The following CNOT3 variants were observed in gnomAD, a reference collection of about 807,000 sequenced individuals.
CNOT3 encodes the protein CCR4-NOT transcription complex subunit 3.
A neutral mutation model predicts 89.4 loss-of-function variants in CNOT3; 2 were observed. The observed-to-expected ratio is 0.02, with a 90% confidence interval of 0.01 to 0.07. CNOT3 has a LOEUF of 0.07. Ranked by LOEUF, CNOT3 falls within the 10% of genes least tolerant of loss-of-function variation. The probability of loss-of-function intolerance (pLI) is 1.00; values close to 1 mark genes in which losing one functional copy is unlikely to be tolerated. For missense variants in CNOT3, 664 were observed against 1,010.2 expected (o/e 0.66, Z 4.65); for synonymous variants, 486 against 402.0 (o/e 1.21, Z -2.50).
Position 54,144,373 on chromosome 19 carries a change from C to T in CNOT3, c.483+41C>T, listed in dbSNP as rs1271717099. 1 of 1,477,916 alleles carries T rather than the reference C, an allele frequency of 6.8e-7. No individual in the cohort carries two copies. Among genetic ancestry groups the T allele is most frequent in the Admixed American group, 1.7e-5 (1 of 59,258 alleles). The allele number at this position is 1,477,916 out of a possible 1,614,324, so 91.6% of individuals were successfully genotyped here. On this transcript the variant is annotated intron_variant, in intron 7 of 17. Transcript: ENST00000221232. This position sits in a 1 kb window ranked among gnomAD's most constrained non-coding sequence, Gnocchi z 4.8. Reference sequence around the variant, plus strand: ...CCGACACCTTTGGGATGGGGATGGGCATGGGAATGGGCTGGCCAGCAGGAG... The same window carrying T: ...CCGACACCTTTGGGATGGGGATGGGTATGGGAATGGGCTGGCCAGCAGGAG...
intron 13 of CNOT3, among the ~76,000 whole-genome samples, chr19:54,150,285 C>T (rs1181163063): frequency 3.9e-5 from 6 of 152,004 alleles, no homozygotes; most frequent in Admixed American, 2.0e-4. Flanking sequence ...GATGTTTAAG[C>T]TGAGACCTGG....
chr19:54,146,130 G>A, intron 9 of CNOT3, 87 bp downstream of exon 9: 1 of 1,479,300 alleles, frequency 6.8e-7, no homozygotes, highest in Middle Eastern at 1.9e-4. Flanking sequence ...AAGTGGCTAT[G>A]GGAGCGTAAT....
In CNOT3 at chr19:54,155,578, C is replaced by T. The variant is rs2438050; in HGVS notation, c.*171C>T. ...TTCCTCTCAGCCCCACCCTGGGGGC[C>T]CGGGGGCGAGGGCTGCCCCCTCCTC... On this transcript the variant is annotated 3_prime_UTR_variant, in exon 18 of 18. Coordinates refer to ENST00000221232, the MANE Select transcript of CNOT3 (RefSeq NM_014516.4). The T allele has an allele frequency of 9.9e-7, 1 of 1,009,836 alleles. No individual in the cohort carries two copies. Among genetic ancestry groups the T allele is most frequent in the Non-Finnish European group, 1.4e-6 (1 of 698,012 alleles). 62.6% of individuals were successfully genotyped at this position (1,009,836 alleles called of 1,614,324 possible). A position where few individuals can be genotyped will look rare whatever the true frequency, so the allele number is the denominator to read the frequency against.
chr19:54,150,599 G>A (rs587684633), intron 13 of CNOT3, among the ~76,000 whole-genome samples: 2 of 113,238 alleles, frequency 1.8e-5, no homozygotes, highest in Admixed American at 8.7e-5. Flanking sequence ...CAGTGTGCGC[G>A]CCCAGGCTGT....
chr19:54,150,255 A>G (rs1231777987), intron 13 of CNOT3, among the ~76,000 whole-genome samples: 1 of 131,548 alleles, frequency 7.6e-6, no homozygotes, highest in Non-Finnish European at 1.7e-5. Context: ...AGACAGGCCC[A>G]GGAAGGTCTG....
At position 54,148,895 on chromosome 19, in the gene CNOT3, A is replaced by C; in HGVS notation, c.1406+152A>C. ...ATCCTCCATCTCCCTCGGGTGTTACACCCCCACTTCTTTCCAGCAAGGAAA... is the reference window on the plus strand; with the variant it reads ...ATCCTCCATCTCCCTCGGGTGTTACCCCCCCACTTCTTTCCAGCAAGGAAA... On this transcript the variant is annotated intron_variant, in intron 12 of 17. Coordinates refer to ENST00000221232, the MANE Select transcript of CNOT3 (RefSeq NM_014516.4). The surrounding 1 kb of genome is among the most constrained non-coding windows in gnomAD (Gnocchi z 6.3). The C allele has an allele frequency of 6.1e-6, 4 of 654,334 alleles. No individual in the cohort carries two copies. The highest frequency in any genetic ancestry group is 3.1e-5 in the Admixed American group (1 of 32,656). 40.5% of individuals were successfully genotyped at this position (654,334 alleles called of 1,614,324 possible). A position where few individuals can be genotyped will look rare whatever the true frequency, so the allele number is the denominator to read the frequency against.
At chr19:54,138,204 T>C (rs1261974364) in intron 1 of CNOT3, among the ~76,000 whole-genome samples, 4 of 151,040 alleles carry the variant, frequency 2.6e-5, no homozygotes, top group African/African-American at 9.7e-5. Context: ...TGCGCCTCTT[T>C]CACGTTCCTC....
Position 54,155,651 on chromosome 19 carries a change from A to G in CNOT3, c.*244A>G. Reference sequence around the variant, plus strand: ...TTTGGTAAACCTATTTTCATTTTGGAAAATATTTATGAATAAATAGTTTTA... The same window carrying G: ...TTTGGTAAACCTATTTTCATTTTGGGAAATATTTATGAATAAATAGTTTTA... On this transcript the variant is annotated 3_prime_UTR_variant, in exon 18 of 18. Coordinates refer to ENST00000221232, the MANE Select transcript of CNOT3 (RefSeq NM_014516.4). The G allele has an allele frequency of 7.1e-7, 1 of 1,412,818 alleles. No individual in the cohort carries two copies. The highest frequency in any genetic ancestry group is 9.6e-7 in the Non-Finnish European group (1 of 1,043,718). 87.5% of individuals were successfully genotyped at this position (1,412,818 alleles called of 1,614,324 possible). A position where few individuals can be genotyped will look rare whatever the true frequency, so the allele number is the denominator to read the frequency against.
In CNOT3 at chr19:54,144,852, CTG is replaced by C. The variant is rs1479732475; in HGVS notation, c.483+522_483+523del. 3.9e-5 allele frequency among the ~76,000 whole-genome samples: 6 copies of C among 152,070 alleles called. No homozygotes were observed. The highest frequency in any genetic ancestry group is 4.4e-5 in the Non-Finnish European group (3 of 68,008). On this transcript the variant is annotated intron_variant, in intron 7 of 17. Transcript: ENST00000221232. The surrounding 1 kb of genome is among the most constrained non-coding windows in gnomAD (Gnocchi z 4.8). ...GGGTATGAGTTCAAAGGGATACAAA[CTG>C]TACAGACTTGCTGAAACCAGAAAGA...
In CNOT3 at chr19:54,149,581, C is replaced by G; in HGVS notation, c.1428C>G (p.Ala476=). 1 of 1,600,178 alleles carries G rather than the reference C, an allele frequency of 6.2e-7. No individual in the cohort carries two copies. The highest frequency in any genetic ancestry group is 8.5e-7 in the Non-Finnish European group (1 of 1,172,116). The part of the protein sequence containing the change: ...PSTSKEPSAA[A]PTGAGGVAPG... ...CCAGGAAGGAACCCAGTGCGGCAGC[C>G]CCAACGGGGGCTGGGGGCGTGGCCC... Residue 476 remains alanine, a synonymous_variant, in exon 13 of 18, where the codon GCC becomes GCG. Coordinates refer to ENST00000221232, the MANE Select transcript of CNOT3 (RefSeq NM_014516.4).
chr19:54,140,062 G>A lies in CNOT3; in HGVS notation c.-51+2069G>A, dbSNP rs1161100153. Among the ~76,000 whole-genome samples, 3 of 152,290 alleles carry A rather than the reference G, an allele frequency of 2.0e-5. No individual in the cohort carries two copies. In the East Asian group the frequency reaches 5.8e-4, roughly 29 times the overall value. On this transcript the variant is annotated intron_variant, in intron 1 of 17. Transcript: ENST00000221232. ...GACAAAGACCACTCTGTGGGCACATGACGGCCCCCAAGGTTAAGGACCACC... is the reference window on the plus strand; with the variant it reads ...GACAAAGACCACTCTGTGGGCACATAACGGCCCCCAAGGTTAAGGACCACC...
chr19:54,139,047 C>T (rs1600396754), intron 1 of CNOT3, among the ~76,000 whole-genome samples: 1 of 152,298 alleles, frequency 6.6e-6, no homozygotes, highest in Admixed American at 6.5e-5. Flanking sequence ...GCTCAGGTGC[C>T]TGGTGAAAGA....
In CNOT3 at chr19:54,149,416, CT is replaced by C. The variant is rs1311222011; in HGVS notation, c.1407-141del. ...CCTTTGTTTGCCCAGAGAACCACTT[CT>C]TTCTCCCATCTGTCTGCCCTCACCT... is the stretch of plus-strand genomic sequence containing the variant. On this transcript the variant is annotated intron_variant, in intron 12 of 17. Coordinates refer to ENST00000221232, the MANE Select transcript of CNOT3 (RefSeq NM_014516.4). 3 of 518,274 alleles carry C rather than the reference CT, an allele frequency of 5.8e-6. No individual in the cohort carries two copies. The Admixed American group carries it at 1.1e-4, about 19-fold the overall frequency. The allele number at this position is 518,274 out of a possible 1,614,324, so 32.1% of individuals were successfully genotyped here.
At chr19:54,150,688 G>A (rs587735144) in intron 13 of CNOT3, among the ~76,000 whole-genome samples, 2 of 129,498 alleles carry the variant, frequency 1.5e-5, no homozygotes, top group East Asian at 2.3e-4. Flanking sequence ...TCTGGGAAAC[G>A]GCAATAGTCA....
Position 54,155,429 on chromosome 19 carries a change from A to T in CNOT3, c.*22A>T. ...GTGACACCGGCCCCTCCCTCTACCC[A>T]CCCCCTTCCCCCGCATGCTGATCCC... On this transcript the variant is annotated 3_prime_UTR_variant, in exon 18 of 18. Transcript: ENST00000221232. The T allele has an allele frequency of 7.4e-7, 1 of 1,360,302 alleles. No homozygotes were observed. Among genetic ancestry groups the T allele is most frequent in the Non-Finnish European group, 1.0e-6 (1 of 988,686 alleles). The allele number at this position is 1,360,302 out of a possible 1,614,324, so 84.3% of individuals were successfully genotyped here.
In CNOT3 at chr19:54,148,236, C is replaced by A; in HGVS notation, c.983C>A (p.Pro328Gln). 2.5e-6 allele frequency: 4 copies of A among 1,600,802 alleles called. No individual in the cohort carries two copies. The highest frequency in any genetic ancestry group is 4.5e-5 in the East Asian group (2 of 44,154). Reference protein sequence around the residue: ...AVPPTYPSGPPPAASALSTTP... With the variant: ...AVPPTYPSGPQPAASALSTTP... Reference sequence around the variant, plus strand: ...CCGCCCACCTACCCCTCCGGCCCCCCGCCTGCTGCCTCTGCCTTGAGCACC... The same window carrying A: ...CCGCCCACCTACCCCTCCGGCCCCCAGCCTGCTGCCTCTGCCTTGAGCACC... Residue 328 changes from proline to glutamine, a missense_variant, in exon 11 of 18, where the codon CCG becomes CAG. Pro to Gln is a moderately conservative substitution (Grantham distance 76). This residue lies in a region of CNOT3 where 545 missense variants were observed against 566.2 expected (regional missense o/e 0.96). Transcript: ENST00000221232. This position sits in a 1 kb window ranked among gnomAD's most constrained non-coding sequence, Gnocchi z 6.3.
At chr19:54,153,637 G>T in intron 16 of CNOT3, 78 bp from the exon 17 acceptor site, 1 of 1,099,486 alleles carries the variant, frequency 9.1e-7, no homozygotes, top group South Asian at 1.2e-5. Context: ...GTTCAGCCCT[G>T]ATGTCCTGCC....
Position 54,145,878 on chromosome 19 carries a change from C to T in CNOT3, c.704-32C>T, listed in dbSNP as rs775714798. On this transcript the variant is annotated intron_variant, in intron 8 of 17. Coordinates refer to ENST00000221232, the MANE Select transcript of CNOT3 (RefSeq NM_014516.4). This position sits in a 1 kb window ranked among gnomAD's most constrained non-coding sequence, Gnocchi z 5.9. ...AGGGCCCAGAATGGGCTGTGTGAGCCAGCTAAGCATGCCCTTCTTCTGCCC... is the reference window on the plus strand; with the variant it reads ...AGGGCCCAGAATGGGCTGTGTGAGCTAGCTAAGCATGCCCTTCTTCTGCCC... The T allele has an allele frequency of 3.1e-6, 5 of 1,612,030 alleles. No homozygotes were observed. Among genetic ancestry groups the T allele is most frequent in the East Asian group, 2.2e-5 (1 of 44,858 alleles).
intron 17 of CNOT3, 36 bp downstream of exon 17, chr19:54,153,876 G>A (rs765073070): frequency 1.9e-6 from 3 of 1,613,890 alleles, no homozygotes; most frequent in Non-Finnish European, 2.5e-6. Context: ...CGCTGCTAGG[G>A]TTGGGGTAGA....
Sources: allele counts gnomAD v4.1 joint callset (sites outside exome capture counted in the v4.1 genomes callset), GRCh38; gene constraint gnomAD v4.1.1; regional missense constraint gnomAD v4.1.1; non-coding constraint Gnocchi (gnomAD v3.1); transcripts MANE v1.5; gene names NCBI Gene and HGNC (gene_info 2026-07-23, HGNC 2026-07-21).